Variants in RAB27B observed in about 807,000 individuals in gnomAD.
RAB27B encodes RAB27B, member RAS oncogene family.
A neutral mutation model predicts 24.6 loss-of-function variants in RAB27B; 15 were observed. The ratio of observed to expected loss-of-function variants is 0.61; its 90% CI spans 0.41 to 0.94. The LOEUF is 0.94. Ranked by LOEUF, RAB27B falls within the 40% of genes least tolerant of loss-of-function variation. RAB27B has a pLI of 0.00. For synonymous variants in RAB27B, 105 were observed against 92.5 expected, an observed-to-expected ratio of 1.14 and a Z score of -0.78; for missense variants, 261 against 266.8, an observed-to-expected ratio of 0.98 and a Z score of 0.15.
chr18:54,844,905 G>T lies in RAB27B; in HGVS notation c.-20+16205G>T, dbSNP rs569439819. ...TGTTGCTGTGAAAATGGAGGTATAGGGAGGGAGTTGGCTCTTTCAGGTTTA... is the reference window on the plus strand; with the variant it reads ...TGTTGCTGTGAAAATGGAGGTATAGTGAGGGAGTTGGCTCTTTCAGGTTTA... On this transcript the variant is annotated intron_variant, in intron 1 of 5. Transcript: ENST00000262094. Among the ~76,000 whole-genome samples the T allele has an allele frequency of 1.1e-4, 17 of 152,220 alleles. No homozygotes were observed. The East Asian group carries it at 2.3e-3, about 21-fold the overall frequency.
chr18:54,723,499 T>C (rs1380201644), intron 2 of RAB27B, among the ~76,000 whole-genome samples: 2 of 152,158 alleles, frequency 1.3e-5, no homozygotes, highest in Non-Finnish European at 2.9e-5. Flanking sequence ...AATAAGTGAG[T>C]TCAGGAGGTC....
chr18:54,768,074 G>T (rs1224770564), intron 2 of RAB27B, among the ~76,000 whole-genome samples: 1 of 152,176 alleles, frequency 6.6e-6, no homozygotes, highest in Non-Finnish European at 1.5e-5. Context: ...CAATGCAGAG[G>T]AGAGACAAGG....
chr18:54,827,272 A>G (rs1357485205), upstream of RAB27B, among the ~76,000 whole-genome samples: 1 of 152,238 alleles, frequency 6.6e-6, no homozygotes, highest in Non-Finnish European at 1.5e-5. Flanking sequence ...AAGTATAGCC[A>G]ACACATTCAT....
intron 1 of RAB27B, among the ~76,000 whole-genome samples, chr18:54,867,396 G>T (rs1335516256): frequency 1.3e-5 from 2 of 151,074 alleles, no homozygotes; most frequent in Non-Finnish European, 2.9e-5. Flanking sequence ...GTAGGAGCTG[G>T]CTGGGCATAT....
intron 2 of RAB27B, among the ~76,000 whole-genome samples, chr18:54,740,286 A>C (rs1488187589): frequency 6.6e-6 from 1 of 152,178 alleles, no homozygotes; most frequent in African/African-American, 2.4e-5. Flanking sequence ...CAATTCTCAG[A>C]CATTGTCCTC....
chr18:54,824,603 T>C (rs182352804), upstream of RAB27B, among the ~76,000 whole-genome samples: 32 of 152,044 alleles, frequency 2.1e-4, 1 homozygote, highest in East Asian at 6.2e-3. Context: ...ATCTCAGGGG[T>C]TATTTTATGG....
intron 1 of RAB27B, among the ~76,000 whole-genome samples, chr18:54,867,451 T>TC (rs1475118294): frequency 7.0e-6 from 1 of 143,428 alleles, no homozygotes; most frequent in Non-Finnish European, 1.6e-5. Flanking sequence ...TCTTTTTTTT[T>TC]TTTTTTTTTT....
chr18:54,884,247 A>C (rs1054888558), intron 3 of RAB27B, 86 bp from the exon 4 acceptor site: 2 of 816,364 alleles, frequency 2.4e-6, no homozygotes, highest in Non-Finnish European at 4.1e-6. Flanking sequence ...CGGAGAATTC[A>C]TACCTGAAAG....
At chr18:54,784,075 C>A (rs1433745360) in intron 2 of RAB27B, among the ~76,000 whole-genome samples, 2 of 152,126 alleles carry the variant, frequency 1.3e-5, no homozygotes, top group Admixed American at 1.3e-4. Context: ...CTATAGTATG[C>A]TAATTGGATC....
intron 2 of RAB27B, among the ~76,000 whole-genome samples, chr18:54,751,099 A>G (rs1907816118): frequency 6.6e-6 from 1 of 152,216 alleles, no homozygotes; most frequent in Non-Finnish European, 1.5e-5. Flanking sequence ...GAGGGCAGTC[A>G]GACAGCTTTT....
chr18:54,874,965 G>A (rs1718622492), intron 1 of RAB27B, among the ~76,000 whole-genome samples: 1 of 152,076 alleles, frequency 6.6e-6, no homozygotes. Flanking sequence ...TATCTATTTG[G>A]GTTGACTAAG....
At chr18:54,774,506 A>C (rs1908655068) in intron 2 of RAB27B, among the ~76,000 whole-genome samples, 1 of 152,258 alleles carries the variant, frequency 6.6e-6, no homozygotes, top group Admixed American at 6.5e-5. Context: ...CTTTGAAGCC[A>C]GTTCTCCTGA....
intron 1 of RAB27B, among the ~76,000 whole-genome samples, chr18:54,842,761 G>A (rs1911167095): frequency 6.6e-6 from 1 of 152,124 alleles, no homozygotes; most frequent in Admixed American, 6.5e-5. Context: ...ACTAGTTTCA[G>A]ACAAAAGTAT....
chr18:54,865,005 G>A (rs1282432924), intron 1 of RAB27B, among the ~76,000 whole-genome samples: 2 of 152,022 alleles, frequency 1.3e-5, no homozygotes, highest in Non-Finnish European at 2.9e-5. Flanking sequence ...AAGACTAAAT[G>A]TGTTAATTAT....
chr18:54,836,701 T>G (rs1269502799), intron 1 of RAB27B, among the ~76,000 whole-genome samples: 1 of 151,972 alleles, frequency 6.6e-6, no homozygotes, highest in Non-Finnish European at 1.5e-5. Flanking sequence ...TTTCTAAAAG[T>G]GTGTAGACAT....
chr18:54,817,818 C>A (rs1004545272), intron 2 of RAB27B, among the ~76,000 whole-genome samples: 2 of 151,742 alleles, frequency 1.3e-5, no homozygotes, highest in African/African-American at 4.8e-5. Context: ...AACGGTGACA[C>A]TAATTTCTGC....
At chr18:54,856,545 A>G (rs1911791993) in intron 1 of RAB27B, among the ~76,000 whole-genome samples, 1 of 152,184 alleles carries the variant, frequency 6.6e-6, no homozygotes, top group African/African-American at 2.4e-5. Context: ...GAGCATGGAG[A>G]CAAGTTAGGA....
At chr18:54,831,162 G>A (rs558701443) in intron 1 of RAB27B, among the ~76,000 whole-genome samples, 8 of 152,138 alleles carry the variant, frequency 5.3e-5, no homozygotes, top group Non-Finnish European at 1.0e-4. Context: ...GTCAGTGGCC[G>A]GTGTCAGGGA....
chr18:54,850,779 A>G (rs1911552587), intron 1 of RAB27B, among the ~76,000 whole-genome samples: 1 of 150,964 alleles, frequency 6.6e-6, no homozygotes, highest in Non-Finnish European at 1.5e-5. Flanking sequence ...ATTTTAAATT[A>G]ATAAAATATT....
Sources: gnomAD v4.1 joint callset for allele counts (sites outside exome capture counted in the v4.1 genomes callset) on GRCh38, gnomAD v4.1.1 for gene constraint, MANE v1.5 for transcripts, NCBI Gene and HGNC (gene_info 2026-07-23, HGNC 2026-07-21) for gene names.